Variants in PEPD observed in about 807,000 individuals in gnomAD.
PEPD encodes peptidase D.
PEPD carries 53 observed loss-of-function variants against 60.7 expected under a neutral mutation model. The observed-to-expected ratio is 0.87, with a 90% CI of 0.70 to 1.10. PEPD has a LOEUF of 1.10. PEPD is among the 50% of genes least tolerant of loss of function. The probability of loss-of-function intolerance (pLI) is 0.00; values close to 1 mark genes in which losing one functional copy is unlikely to be tolerated. For synonymous variants in PEPD, 267 were observed against 284.1 expected, an observed-to-expected ratio of 0.94 and a Z score of 0.60; for missense variants, 711 against 711.9, an observed-to-expected ratio of 1.00 and a Z score of 0.01.
At position 33,403,014 on chromosome 19, in the gene PEPD, C is replaced by G. The variant is rs537529401; in HGVS notation, c.819-1145G>C. The stretch of plus-strand genomic sequence containing the variant: ...TCTCTGGGCAACGGCAGAGAAGCAG[C>G]CTCCCGCTCATCCTGTGGTGTGGAA... On this transcript the variant is annotated intron_variant, in intron 11 of 14. Transcript: ENST00000244137. Among the ~76,000 whole-genome samples the G allele has an allele frequency of 2.0e-5, 3 of 152,310 alleles. No individual in the cohort carries two copies. In the South Asian group the frequency reaches 6.2e-4, roughly 32 times the overall value.
chr19:33,429,410 G>A (rs139104586), intron 9 of PEPD, among the ~76,000 whole-genome samples: 104 of 152,346 alleles, frequency 6.8e-4, no homozygotes, highest in African/African-American at 2.3e-3. Flanking sequence ...TAGTAATTAC[G>A]CGGGGGCAGA....
intron 7 of PEPD, among the ~76,000 whole-genome samples, chr19:33,465,107 C>G (rs2145275608): frequency 6.6e-6 from 1 of 152,278 alleles, no homozygotes. Context: ...ACGGAGTTGG[C>G]ATTTTTAAAG....
chr19:33,395,571 G>A (rs1019438529), intron 12 of PEPD, among the ~76,000 whole-genome samples: 5 of 152,188 alleles, frequency 3.3e-5, no homozygotes, highest in Non-Finnish European at 7.3e-5. Flanking sequence ...GCCCCTGAGT[G>A]GTCTTCTGGG....
intron 11 of PEPD, among the ~76,000 whole-genome samples, chr19:33,407,416 G>A (rs1300476701): frequency 6.6e-5 from 10 of 152,184 alleles, no homozygotes; most frequent in Admixed American, 4.6e-4. Flanking sequence ...GTGGAAGGAG[G>A]GGGCAGCACA....
At chr19:33,395,456 G>A (rs1002554072) in intron 12 of PEPD, among the ~76,000 whole-genome samples, 3 of 152,184 alleles carry the variant, frequency 2.0e-5, no homozygotes, top group Non-Finnish European at 4.4e-5. Flanking sequence ...AACGGGCAGG[G>A]TGGCCTCTAG....
At chr19:33,470,630 G>T (rs1361375821) in intron 7 of PEPD, among the ~76,000 whole-genome samples, 2 of 152,126 alleles carry the variant, frequency 1.3e-5, no homozygotes, top group Non-Finnish European at 2.9e-5. Context: ...ATATAGTCCT[G>T]GAAGACAGGG....
intron 7 of PEPD, among the ~76,000 whole-genome samples, chr19:33,465,098 C>A (rs1001410232): frequency 6.6e-6 from 1 of 152,118 alleles, no homozygotes; most frequent in African/African-American, 2.4e-5. Flanking sequence ...GCAGTGAGAA[C>A]GGAGTTGGCA....
intron 10 of PEPD, 122 bp from the exon 11 acceptor site, chr19:33,411,871 G>T: frequency 1.4e-6 from 1 of 719,402 alleles, no homozygotes. Context: ...CACAGGCCCA[G>T]GCGTGGCTGG....
In PEPD at chr19:33,464,047, C is replaced by T. The variant is rs780683391; in HGVS notation, c.564G>A (p.Thr188=). ...PEIVECRVFK[T]DMELEVLRYT... The stretch of plus-strand genomic sequence containing the variant: ...AGCGCAGAACCTCCAGCTCCATATC[C>T]GTCTTAAACACTCGGCTTCAGAGAC... Residue 188 remains threonine, a synonymous_variant, in exon 8 of 15, where the codon ACG becomes ACA. Coordinates refer to ENST00000244137, the MANE Select transcript of PEPD (RefSeq NM_000285.4). 6.2e-6 allele frequency: 10 copies of T among 1,612,938 alleles called. No individual in the cohort carries two copies. Among genetic ancestry groups the T allele is most frequent in the African/African-American group, 4.0e-5 (3 of 75,024 alleles).
chr19:33,440,093 T>C (rs1969455287), intron 9 of PEPD, among the ~76,000 whole-genome samples: 2 of 152,168 alleles, frequency 1.3e-5, no homozygotes, highest in African/African-American at 4.8e-5. Flanking sequence ...CACTGGGACC[T>C]GCGCAAGACG....
intron 12 of PEPD, among the ~76,000 whole-genome samples, chr19:33,395,330 C>T (rs954027835): frequency 2.6e-5 from 4 of 152,344 alleles, no homozygotes; most frequent in African/African-American, 9.6e-5. Flanking sequence ...CTGTGCCTGG[C>T]ATGCTGCGGA....
rs564668406 is a variant in PEPD, at chr19:33,515,056, G to A, written c.18-2280C>T. Among the ~76,000 whole-genome samples, 13 of 152,282 alleles carry A rather than the reference G, an allele frequency of 8.5e-5. No homozygotes were observed. In the South Asian group the frequency reaches 1.7e-3, roughly 19 times the overall value. The stretch of plus-strand genomic sequence containing the variant: ...TGCCTGGTGCTTCCTGGTGTTCTCC[G>A]GCCCGCCGCCTCGGGTGGAAACACT... On this transcript the variant is annotated intron_variant, in intron 1 of 14. Coordinates refer to ENST00000244137, the MANE Select transcript of PEPD (RefSeq NM_000285.4).
At chr19:33,469,059 C>G (rs892479643) in intron 7 of PEPD, among the ~76,000 whole-genome samples, 1 of 152,166 alleles carries the variant, frequency 6.6e-6, no homozygotes, top group African/African-American at 2.4e-5. Context: ...TGTCAGGGAG[C>G]AGGTCTCTCT....
intron 9 of PEPD, among the ~76,000 whole-genome samples, chr19:33,440,548 G>A (rs972047992): frequency 1.3e-5 from 2 of 152,040 alleles, no homozygotes; most frequent in Non-Finnish European, 2.9e-5. Context: ...CTCTGCCCGA[G>A]TCTCCTGGCT....
intron 9 of PEPD, 32 bp from the exon 10 acceptor site, chr19:33,413,675 C>G (rs1026205098): frequency 1.4e-6 from 2 of 1,424,632 alleles, no homozygotes; most frequent in African/African-American, 2.8e-5. Flanking sequence ...AGGGTTGGGG[C>G]ACTAGAGCAG....
intron 4 of PEPD, among the ~76,000 whole-genome samples, chr19:33,500,714 A>C (rs10406534): frequency 0.013 from 1,980 of 152,302 alleles, 50 homozygotes; most frequent in African/African-American, 0.045. Context: ...CTACCCACAG[A>C]GTCAGGGGCC....
chr19:33,481,315 C>T (rs1970309597), intron 6 of PEPD, among the ~76,000 whole-genome samples: 1 of 152,272 alleles, frequency 6.6e-6, no homozygotes, highest in South Asian at 2.1e-4. Flanking sequence ...GCCTGCAGTC[C>T]CAGCACTTTG....
chr19:33,509,941 A>G (rs1438680663), intron 3 of PEPD, among the ~76,000 whole-genome samples: 2 of 152,350 alleles, frequency 1.3e-5, no homozygotes, highest in East Asian at 3.9e-4. Context: ...CCGGGAGGGC[A>G]GGACCTGCGC....
At chr19:33,451,595 C>T (rs1969701795) in intron 9 of PEPD, among the ~76,000 whole-genome samples, 4 of 152,208 alleles carry the variant, frequency 2.6e-5, no homozygotes, top group Admixed American at 2.6e-4. Context: ...CTGATTATCA[C>T]TGTGAATTCA....
Sources: allele counts gnomAD v4.1 joint callset (sites outside exome capture counted in the v4.1 genomes callset), GRCh38; gene constraint gnomAD v4.1.1; transcripts MANE v1.5; gene names NCBI Gene and HGNC (gene_info 2026-07-23, HGNC 2026-07-21).